The following NODAL variants were observed in gnomAD, a reference collection of about 807,000 sequenced individuals.
The protein encoded by NODAL is nodal homolog.
In NODAL, 12 loss-of-function variants were observed where a neutral mutation model predicts 34.0. The ratio of observed to expected loss-of-function variants is 0.35; its 90% CI spans 0.23 to 0.57. The LOEUF is 0.57. Ranked by LOEUF, NODAL falls within the 20% of genes least tolerant of loss-of-function variation. The probability of loss-of-function intolerance (pLI) is 0.83; values close to 1 mark genes in which losing one functional copy is unlikely to be tolerated. For missense variants in NODAL, 390 were observed against 444.2 expected, an observed-to-expected ratio of 0.88 and a Z score of 1.10; for synonymous variants, 162 against 186.4, an observed-to-expected ratio of 0.87 and a Z score of 1.07.
At chr10:70,433,228 G>C in intron 2 of NODAL, 140 bp from the exon 3 acceptor site, 2 of 910,586 alleles carry the variant, frequency 2.2e-6, no homozygotes, top group South Asian at 2.7e-5. Flanking sequence ...TTTCATAAAG[G>C]AATTAGCTTG....
At position 70,441,510 on chromosome 10, in the gene NODAL, G is replaced by A. The variant is rs1201491650; in HGVS notation, c.158C>T (p.Pro53Leu). Reference sequence around the variant, plus strand: ...TAGGCTGCGGATGATGTCTGCCCTCGGCAGCGGGTCGCGGTAGAGGCTCAG... The same window carrying A: ...TAGGCTGCGGATGATGTCTGCCCTCAGCAGCGGGTCGCGGTAGAGGCTCAG... The part of the protein sequence containing the change: ...YMLSLYRDPL[P>L]RADIIRSLQA... The change falls in exon 1 of 3, where the codon CCG becomes CTG. Residue 53 changes from proline to leucine, a missense_variant. By Grantham distance (98) the Pro-to-Leu change is moderately conservative. Coordinates refer to ENST00000287139, the MANE Select transcript of NODAL (RefSeq NM_018055.5). The A allele has an allele frequency of 6.3e-7, 1 of 1,594,604 alleles. No individual in the cohort carries two copies. Among genetic ancestry groups the A allele is most frequent in the Admixed American group, 1.7e-5 (1 of 57,658 alleles).
chr10:70,447,858 T>A (rs1468837319), intron 1 of NODAL: 3 of 471,054 alleles, frequency 6.4e-6, no homozygotes, highest in Non-Finnish European at 1.3e-5. Context: ...TTTGCTGGAA[T>A]CTGCAACCTA....
chr10:70,433,120 C>G, intron 2 of NODAL, 32 bp from the exon 3 acceptor site: 16 of 1,612,684 alleles, frequency 9.9e-6, no homozygotes, highest in African/African-American at 1.3e-5. Flanking sequence ...TGTCAATTCA[C>G]ATCCTGATGG....
chr10:70,441,757 GGAA>G, upstream of NODAL: 1 of 1,399,508 alleles, frequency 7.1e-7, no homozygotes, highest in Non-Finnish European at 9.8e-7. Flanking sequence ...CTCCCTCTGG[GGAA>G]GCTTTAAGAT....
At chr10:70,440,719 T>G (rs1422477452) in intron 1 of NODAL, among the ~76,000 whole-genome samples, 1 of 152,176 alleles carries the variant, frequency 6.6e-6, no homozygotes, top group Non-Finnish European at 1.5e-5. Context: ...CCTGCCGTCC[T>G]TGACACCCAC....
chr10:70,439,580 G>A (rs1462600337), intron 1 of NODAL, among the ~76,000 whole-genome samples: 1 of 152,232 alleles, frequency 6.6e-6, no homozygotes, highest in African/African-American at 2.4e-5. Context: ...AACGGCAACA[G>A]ATACAGATGT....
At chr10:70,436,465 C>T (rs755041447) in intron 1 of NODAL, 4 of 211,998 alleles carry the variant, frequency 1.9e-5, no homozygotes, top group East Asian at 1.1e-4. Context: ...CCCAGCCACT[C>T]GAGAATCATT....
chr10:70,433,173 C>G (rs1038147399), intron 2 of NODAL, 85 bp from the exon 3 acceptor site: 3 of 1,541,886 alleles, frequency 1.9e-6, no homozygotes, highest in Non-Finnish European at 2.7e-6. Flanking sequence ...AAAAAAGTTA[C>G]GGAGTTAAAG....
intron 1 of NODAL, 141 bp from the exon 2 acceptor site, chr10:70,436,124 G>A: frequency 1.3e-6 from 1 of 746,748 alleles, no homozygotes; most frequent in Non-Finnish European, 2.4e-6. Flanking sequence ...AACTCTATGA[G>A]TTGGTAAGAT....
upstream of NODAL, among the ~76,000 whole-genome samples, chr10:70,443,936 T>C (rs1194067015): frequency 1.5e-4 from 22 of 150,482 alleles, 1 homozygote; most frequent in Admixed American, 1.3e-4. Context: ...GACTCCCCTT[T>C]TTTTTTTTTT....
upstream of NODAL, among the ~76,000 whole-genome samples, chr10:70,443,350 A>G (rs530149572): frequency 1.3e-5 from 2 of 152,302 alleles, no homozygotes; most frequent in African/African-American, 4.8e-5. Flanking sequence ...GCTGTCACAC[A>G]GTATATACCA....
chr10:70,432,860 AGAT>A lies in NODAL; in HGVS notation c.*73_*75del. The A allele has an allele frequency of 1.9e-6, 3 of 1,553,856 alleles. No individual in the cohort carries two copies. The highest frequency in any genetic ancestry group is 2.7e-6 in the Non-Finnish European group (3 of 1,126,944). ...CCTCTCTGTTTCTCCTTACTGGATT[AGAT>A]GGTTATCATGTCTTCCAGGAGTTTC... On this transcript the variant is annotated 3_prime_UTR_variant, in exon 3 of 3. Transcript: ENST00000287139.
At position 70,436,221 on chromosome 10, in the gene NODAL, A is replaced by G. The variant is rs1243077901; in HGVS notation, c.194-238T>C. The G allele has an allele frequency of 1.6e-5, 9 of 560,100 alleles. No individual in the cohort carries two copies. The Admixed American group carries it at 2.7e-4, about 17-fold the overall frequency. The allele number at this position is 560,100 out of a possible 1,614,324, so 34.7% of individuals were successfully genotyped here. On this transcript the variant is annotated intron_variant, in intron 1 of 2. Coordinates refer to ENST00000287139, the MANE Select transcript of NODAL (RefSeq NM_018055.5). ...AGGTGTCATTCTTGGAAGGTGGCAG[A>G]GCCAAGAGTAAACCTGGATTTGCCC...
intron 1 of NODAL, among the ~76,000 whole-genome samples, chr10:70,439,249 C>T (rs1845396129): frequency 6.6e-6 from 1 of 152,048 alleles, no homozygotes; most frequent in South Asian, 2.1e-4. Flanking sequence ...ATGATCCGAC[C>T]ACCTCGGCCT....
At chr10:70,444,794 A>G (rs911713677), upstream of NODAL, among the ~76,000 whole-genome samples, 1 of 152,208 alleles carries the variant, frequency 6.6e-6, no homozygotes, top group Non-Finnish European at 1.5e-5. Flanking sequence ...TACAAGCTCT[A>G]AAACCTGATG....
chr10:70,432,701 C>G lies in NODAL; in HGVS notation c.*235G>C. On this transcript the variant is annotated 3_prime_UTR_variant, in exon 3 of 3. Transcript: ENST00000287139. ...TCTTTTCAGTAAAGAGAACATCCAG[C>G]CAGCCCCCTGCACAGGCTTCTTCCT... 1.8e-6 allele frequency: 1 copy of G among 567,970 alleles called. No homozygotes were observed. Among genetic ancestry groups the G allele is most frequent in the Non-Finnish European group, 3.2e-6 (1 of 316,928 alleles). 35.2% of individuals were successfully genotyped at this position (567,970 alleles called of 1,614,324 possible). A position where few individuals can be genotyped will look rare whatever the true frequency, so the allele number is the denominator to read the frequency against.
Position 70,437,975 on chromosome 10 carries a change from A to T in NODAL, c.194-1992T>A, listed in dbSNP as rs182115780. Among the ~76,000 whole-genome samples the T allele has an allele frequency of 2.7e-3, 409 of 152,214 alleles. 1 individual carries two copies. Among genetic ancestry groups the T allele is most frequent in the Non-Finnish European group, 4.5e-3 (304 of 67,998 alleles). On this transcript the variant is annotated intron_variant, in intron 1 of 2. Transcript: ENST00000287139. Reference sequence around the variant, plus strand: ...CACTGCTGCCACCTGTACCTGGAGGATTCGGGCGGTGAGTTTAAAAACACT... The same window carrying T: ...CACTGCTGCCACCTGTACCTGGAGGTTTCGGGCGGTGAGTTTAAAAACACT...
At chr10:70,434,164 A>G (rs976991898) in intron 2 of NODAL, among the ~76,000 whole-genome samples, 3 of 152,228 alleles carry the variant, frequency 2.0e-5, no homozygotes, top group African/African-American at 7.2e-5. Flanking sequence ...TTCATGGAGT[A>G]AAATGAAAAC....
chr10:70,447,840 G>A (rs989161967), intron 1 of NODAL: 38 of 470,426 alleles, frequency 8.1e-5, no homozygotes, highest in African/African-American at 6.6e-4. Flanking sequence ...GTTTATAACT[G>A]CCCACTGTTT....
Sources: gnomAD v4.1 joint callset for allele counts (sites outside exome capture counted in the v4.1 genomes callset) on GRCh38, gnomAD v4.1.1 for gene constraint, MANE v1.5 for transcripts, NCBI Gene and HGNC (gene_info 2026-07-23, HGNC 2026-07-21) for gene names.